The following BFSP2 variants were observed in gnomAD, a reference collection of about 807,000 sequenced individuals.
BFSP2 encodes beaded filament structural protein 2.
In BFSP2, 38 loss-of-function variants were observed where a neutral mutation model predicts 44.9. That is an observed-to-expected ratio of 0.85 (90% confidence interval 0.65 to 1.11). BFSP2 has a LOEUF of 1.11. Among genes scored for constraint, BFSP2 ranks in the 50% least tolerant of loss-of-function variants. The pLI is 0.00. For synonymous variants in BFSP2, 197 were observed against 209.9 expected (o/e 0.94, Z 0.53); for missense variants, 525 against 533.0 (o/e 0.99, Z 0.15).
Position 133,400,158 on chromosome 3 carries a change from G to A in BFSP2, c.75G>A (p.Ala25=), listed in dbSNP as rs146992682. The change falls in exon 1 of 7, where the codon GCG becomes GCA. Residue 25 remains alanine, a synonymous_variant. Coordinates refer to ENST00000302334, the MANE Select transcript of BFSP2 (RefSeq NM_003571.4). This position sits in a 1 kb window ranked among gnomAD's most constrained non-coding sequence, Gnocchi z 4.0. Reference sequence around the variant, plus strand: ...GCATGCCCCTCCAGAGGCGCAGGGCGTCCTTCAGGGGGCCACGGTCATCAT... The same window carrying A: ...GCATGCCCCTCCAGAGGCGCAGGGCATCCTTCAGGGGGCCACGGTCATCAT... ...SSSMPLQRRR[A]SFRGPRSSSS... is the part of the protein sequence containing the mutation. The A allele has an allele frequency of 1.2e-3, 1,924 of 1,614,140 alleles. 22 individuals carry two copies. The East Asian group carries it at 0.022, about 18-fold the overall frequency.
At chr3:133,442,863 T>C (rs1264475212) in intron 1 of BFSP2, among the ~76,000 whole-genome samples, 1 of 131,720 alleles carries the variant, frequency 7.6e-6, no homozygotes, top group African/African-American at 3.1e-5. Flanking sequence ...CTAGATTTTC[T>C]TTTTTTTTTT....
intron 1 of BFSP2, among the ~76,000 whole-genome samples, chr3:133,403,635 C>A (rs2073380077): frequency 6.6e-6 from 1 of 152,200 alleles, no homozygotes; most frequent in South Asian, 2.1e-4. Context: ...AAGGTCAGAG[C>A]AGGCAACAAT....
At chr3:133,430,001 C>A (rs572443759) in intron 1 of BFSP2, among the ~76,000 whole-genome samples, 1 of 150,056 alleles carries the variant, frequency 6.7e-6, no homozygotes, top group African/African-American at 2.5e-5. Context: ...TGAGAACATG[C>A]GGTGTTTGGT....
chr3:133,424,145 G>A (rs546161780), intron 1 of BFSP2, among the ~76,000 whole-genome samples: 9 of 150,854 alleles, frequency 6.0e-5, no homozygotes, highest in African/African-American at 2.2e-4. Flanking sequence ...TCCGCCGCCC[G>A]GGTTCAAGCG....
chr3:133,456,602 C>T (rs757728924), intron 4 of BFSP2, among the ~76,000 whole-genome samples: 1 of 152,020 alleles, frequency 6.6e-6, no homozygotes. Context: ...AAAAATTAGC[C>T]AGGTGTGGTG....
chr3:133,405,811 C>T (rs982604337), intron 1 of BFSP2, among the ~76,000 whole-genome samples: 15 of 152,038 alleles, frequency 9.9e-5, no homozygotes, highest in Non-Finnish European at 2.1e-4. Flanking sequence ...GAGAAAAGTC[C>T]GTTAGAGAGA....
intron 1 of BFSP2, among the ~76,000 whole-genome samples, chr3:133,431,238 T>C (rs1304037897): frequency 6.6e-6 from 1 of 152,284 alleles, no homozygotes; most frequent in South Asian, 2.1e-4. Flanking sequence ...CAACAGGATT[T>C]AATTAACCTC....
At chr3:133,437,189 C>G (rs1253023878) in intron 1 of BFSP2, among the ~76,000 whole-genome samples, 1 of 152,068 alleles carries the variant, frequency 6.6e-6, no homozygotes, top group African/African-American at 2.4e-5. Context: ...ACACTGTCTT[C>G]CACAATGGTT....
chr3:133,426,704 A>G (rs2073657212), intron 1 of BFSP2, among the ~76,000 whole-genome samples: 1 of 152,126 alleles, frequency 6.6e-6, no homozygotes, highest in Non-Finnish European at 1.5e-5. Context: ...AAAATTTCTG[A>G]GTTGAGGAAG....
intron 1 of BFSP2, among the ~76,000 whole-genome samples, chr3:133,431,427 A>G (rs1285278168): frequency 6.6e-6 from 1 of 152,196 alleles, no homozygotes; most frequent in Non-Finnish European, 1.5e-5. Flanking sequence ...TCTGACCACC[A>G]GGCCAAGGAA....
chr3:133,437,265 C>T (rs1276011653), intron 1 of BFSP2, among the ~76,000 whole-genome samples: 1 of 152,140 alleles, frequency 6.6e-6, no homozygotes, highest in East Asian at 1.9e-4. Flanking sequence ...TGGTTCACAC[C>T]TGTAATCCCA....
chr3:133,425,959 G>A (rs369313843), intron 1 of BFSP2, among the ~76,000 whole-genome samples: 283 of 1,760 alleles, frequency 0.16, 28 homozygotes, highest in Non-Finnish European at 0.21. Flanking sequence ...GGGAGGGGGA[G>A]GGGGAGGGGA....
intron 2 of BFSP2, among the ~76,000 whole-genome samples, chr3:133,448,015 G>C (rs1461630613): frequency 3.3e-5 from 5 of 152,208 alleles, no homozygotes; most frequent in East Asian, 1.9e-4. Context: ...GTCCCTGAAG[G>C]CATCTGGGTT....
In BFSP2 at chr3:133,472,343, A is replaced by G; in HGVS notation, c.1024-2A>G. ...GTTTGGACCGGGTTCGCTCTTTTGT[A>G]GAAACGAGGCCTGGAGAACACCTTG... On this transcript the variant is annotated splice_acceptor_variant, in intron 5 of 6. Coordinates refer to ENST00000302334, the MANE Select transcript of BFSP2 (RefSeq NM_003571.4). LOFTEE classifies it high-confidence loss of function. 1 of 1,610,124 alleles carries G rather than the reference A, an allele frequency of 6.2e-7. No individual in the cohort carries two copies. Among genetic ancestry groups the G allele is most frequent in the Non-Finnish European group, 8.5e-7 (1 of 1,179,752 alleles).
In BFSP2 at chr3:133,409,111, C is replaced by T. The variant is rs568914100; in HGVS notation, c.489+8539C>T. Among the ~76,000 whole-genome samples the T allele has an allele frequency of 5.9e-5, 9 of 152,214 alleles. No homozygotes were observed. In the South Asian group the frequency reaches 1.7e-3, roughly 28 times the overall value. On this transcript the variant is annotated intron_variant, in intron 1 of 6. Transcript: ENST00000302334. ...AACTATTCCAAGTGGCTTTTTAAAC[C>T]ACAGGAATTTAACTGTACATTCCTA...
intron 4 of BFSP2, among the ~76,000 whole-genome samples, chr3:133,464,915 A>G (rs1352010073): frequency 6.6e-6 from 1 of 151,920 alleles, no homozygotes; most frequent in Non-Finnish European, 1.5e-5. Context: ...AAAGCCTTTA[A>G]TGGTCATTCT....
chr3:133,471,455 T>C (rs1017255748), intron 5 of BFSP2, among the ~76,000 whole-genome samples: 7 of 152,232 alleles, frequency 4.6e-5, no homozygotes, highest in African/African-American at 1.7e-4. Flanking sequence ...GGTTCACCCG[T>C]TGAAGCATAG....
Position 133,421,497 on chromosome 3 carries a change from A to G in BFSP2, c.489+20925A>G, listed in dbSNP as rs567363857. 1.7e-4 allele frequency among the ~76,000 whole-genome samples: 26 copies of G among 152,174 alleles called. No homozygotes were observed. In the East Asian group the frequency reaches 4.1e-3, roughly 24 times the overall value. On this transcript the variant is annotated intron_variant, in intron 1 of 6. Transcript: ENST00000302334. ...CATTCTTCCATATGTCTGTGTCCAA[A>G]TTTTCCTCTTTTCATAAGGATGCCA...
chr3:133,447,151 C>T (rs541639772), intron 1 of BFSP2, among the ~76,000 whole-genome samples, 166 bp from the exon 2 acceptor site: 176 of 152,244 alleles, frequency 1.2e-3, no homozygotes, highest in Non-Finnish European at 1.5e-3. Flanking sequence ...ATCCCCCCAC[C>T]CTGACCATTG....
Sources: allele counts gnomAD v4.1 joint callset (sites outside exome capture counted in the v4.1 genomes callset), GRCh38; gene constraint gnomAD v4.1.1; non-coding constraint Gnocchi (gnomAD v3.1); transcripts MANE v1.5; gene names NCBI Gene and HGNC (gene_info 2026-07-23, HGNC 2026-07-21).